PHLPP1: variants seen among roughly 807,000 people sequenced by gnomAD.
PHLPP1 encodes the protein PH domain leucine-rich repeat-containing protein phosphatase 1.
Under a neutral mutation model 117.2 loss-of-function variants are expected in PHLPP1, and 42 were observed. The ratio of observed to expected loss-of-function variants is 0.36; its 90% confidence interval spans 0.28 to 0.46. The LOEUF is 0.46. Among genes scored for constraint, PHLPP1 ranks in the 20% least tolerant of loss-of-function variants. The probability of loss-of-function intolerance (pLI) is 1.00; values close to 1 mark genes in which losing one functional copy is unlikely to be tolerated. For missense variants in PHLPP1, 2,084 were observed against 2,241.9 expected (o/e 0.93, Z 1.42); for synonymous variants, 1,042 against 970.7 (o/e 1.07, Z -1.37).
chr18:62,720,295 T>C (rs1177035193), intron 1 of PHLPP1, among the ~76,000 whole-genome samples: 1 of 152,198 alleles, frequency 6.6e-6, no homozygotes, highest in Non-Finnish European at 1.5e-5. Flanking sequence ...CATTAAACTA[T>C]ATCTTTTTAT....
intron 1 of PHLPP1, among the ~76,000 whole-genome samples, chr18:62,794,541 A>AT (rs1165318686): frequency 6.6e-6 from 1 of 151,276 alleles, no homozygotes; most frequent in African/African-American, 2.4e-5. Context: ...CTAAGTTTTG[A>AT]TTTTTTTTCT....
chr18:62,794,788 A>T (rs1171684804), intron 1 of PHLPP1, among the ~76,000 whole-genome samples: 4 of 152,228 alleles, frequency 2.6e-5, no homozygotes, highest in African/African-American at 9.7e-5. Flanking sequence ...GATGAAGCAC[A>T]CACAGGAACT....
intron 3 of PHLPP1, chr18:62,842,943 G>T (rs1277947472): frequency 6.6e-6 from 1 of 152,142 alleles, no homozygotes; most frequent in African/African-American, 2.4e-5. Flanking sequence ...AGCATCTAGG[G>T]AGAGTAGACT....
intron 1 of PHLPP1, among the ~76,000 whole-genome samples, chr18:62,763,040 C>T (rs1307954056): frequency 2.6e-5 from 4 of 152,152 alleles, no homozygotes; most frequent in African/African-American, 9.7e-5. Flanking sequence ...GCAGCTAAAT[C>T]CACAAAGTCT....
chr18:62,972,793 A>G (rs531956326), intron 15 of PHLPP1, 85 bp downstream of exon 15: 5 of 1,010,428 alleles, frequency 4.9e-6, no homozygotes, highest in Admixed American at 4.7e-5. Flanking sequence ...CAGGTGCCCA[A>G]TGGTCTCCAA....
intron 9 of PHLPP1, among the ~76,000 whole-genome samples, chr18:62,916,600 G>T (rs1024514728): frequency 6.8e-6 from 1 of 147,172 alleles, no homozygotes; most frequent in African/African-American, 2.5e-5. Flanking sequence ...ATTAACAAGA[G>T]GGTGGGTGTG....
At chr18:62,823,849 G>A (rs1022415072) in intron 1 of PHLPP1, among the ~76,000 whole-genome samples, 3 of 151,974 alleles carry the variant, frequency 2.0e-5, no homozygotes, top group Non-Finnish European at 2.9e-5. Flanking sequence ...TGTTGACTGG[G>A]GGCCAGGCGC....
At chr18:62,955,486 G>A (rs147788813) in intron 12 of PHLPP1, among the ~76,000 whole-genome samples, 2 of 152,272 alleles carry the variant, frequency 1.3e-5, no homozygotes, top group African/African-American at 2.4e-5. Context: ...GAAATGGGAT[G>A]CAGGTCAGTC....
At chr18:62,956,065 G>A (rs560930943) in intron 12 of PHLPP1, among the ~76,000 whole-genome samples, 1 of 152,246 alleles carries the variant, frequency 6.6e-6, no homozygotes, top group African/African-American at 2.4e-5. Flanking sequence ...AGAGATGACT[G>A]TTTTCTCCAA....
chr18:62,851,337 T>C (rs938762764), intron 3 of PHLPP1, among the ~76,000 whole-genome samples: 5 of 152,182 alleles, frequency 3.3e-5, no homozygotes, highest in Admixed American at 6.5e-5. Flanking sequence ...TGCAGTTGTT[T>C]CCATACTCTT....
chr18:62,874,090 A>G (rs1338090869), intron 4 of PHLPP1, among the ~76,000 whole-genome samples: 1 of 151,808 alleles, frequency 6.6e-6, no homozygotes, highest in Non-Finnish European at 1.5e-5. Context: ...AGGCTGAGAC[A>G]GGAGAATCGC....
rs1242184916 is a variant in PHLPP1, at chr18:62,830,078, A to G, written c.1620A>G (p.Ser540=). 2 of 1,613,766 alleles carry G rather than the reference A, an allele frequency of 1.2e-6. No individual in the cohort carries two copies. The highest frequency in any genetic ancestry group is 1.7e-6 in the Non-Finnish European group (2 of 1,179,766). ...STGSSERIQL[S]GMYNVRKGKM... Reference sequence around the variant, plus strand: ...GTAGCTCTGAACGGATTCAGCTCTCAGGAATGTATAATGTCCGTAAAGGCA... The same window carrying G: ...GTAGCTCTGAACGGATTCAGCTCTCGGGAATGTATAATGTCCGTAAAGGCA... Residue 540 remains serine (S), a synonymous_variant, in exon 2 of 17, where the codon TCA becomes TCG. Transcript: ENST00000262719.
chr18:62,946,124 C>G (rs1910274155), intron 12 of PHLPP1, among the ~76,000 whole-genome samples: 1 of 152,222 alleles, frequency 6.6e-6, no homozygotes, highest in Non-Finnish European at 1.5e-5. Context: ...GGAGCATATT[C>G]TAATCTCCTA....
intron 3 of PHLPP1, among the ~76,000 whole-genome samples, chr18:62,853,383 T>G (rs185286268): frequency 6.6e-6 from 1 of 152,140 alleles, no homozygotes; most frequent in East Asian, 1.9e-4. Flanking sequence ...TTCGTTTTGT[T>G]TTTGAGATGG....
chr18:62,866,077 G>T (rs1463701389), intron 4 of PHLPP1, among the ~76,000 whole-genome samples: 1 of 152,168 alleles, frequency 6.6e-6, no homozygotes, highest in Non-Finnish European at 1.5e-5. Context: ...CTCTTTTAAA[G>T]TTGGGGTCTA....
intron 4 of PHLPP1, among the ~76,000 whole-genome samples, chr18:62,863,183 T>C (rs183753352): frequency 6.6e-6 from 1 of 151,330 alleles, no homozygotes; most frequent in Non-Finnish European, 1.5e-5. Context: ...CTCTCTCTCT[T>C]TTCTCTCTCT....
intron 1 of PHLPP1, among the ~76,000 whole-genome samples, chr18:62,757,358 G>A (rs1450284080): frequency 6.6e-6 from 1 of 152,238 alleles, no homozygotes; most frequent in East Asian, 1.9e-4. Flanking sequence ...CTGACTGTTA[G>A]AGATTTGTTA....
intron 1 of PHLPP1, among the ~76,000 whole-genome samples, chr18:62,818,917 A>G (rs1914366717): frequency 6.6e-6 from 1 of 152,236 alleles, no homozygotes; most frequent in Non-Finnish European, 1.5e-5. Context: ...TCAAGCTACC[A>G]ACATGATGTC....
chr18:62,896,888 C>T (rs1916577317), intron 6 of PHLPP1, among the ~76,000 whole-genome samples: 1 of 152,236 alleles, frequency 6.6e-6, no homozygotes, highest in South Asian at 2.1e-4. Flanking sequence ...AGACCTGTCC[C>T]TCCTAGGGAA....
Sources: gnomAD v4.1 joint callset for allele counts (sites outside exome capture counted in the v4.1 genomes callset) on GRCh38, gnomAD v4.1.1 for gene constraint, MANE v1.5 for transcripts, NCBI Gene and HGNC (gene_info 2026-07-23, HGNC 2026-07-21) for gene names.